ABCA8: variants seen among roughly 807,000 people sequenced by gnomAD.
ABCA8 encodes ABC-type organic anion transporter ABCA8.
Under a neutral mutation model 192.3 loss-of-function variants are expected in ABCA8, and 177 were observed. The observed-to-expected ratio is 0.92, with a 90% confidence interval of 0.81 to 1.04. The LOEUF (loss-of-function observed/expected upper bound fraction) is 1.04. Among genes scored for constraint, ABCA8 ranks in the 50% least tolerant of loss-of-function variants. ABCA8 has a pLI of 0.00. For missense variants in ABCA8, 1,915 were observed against 1,904.8 expected (o/e 1.01, Z -0.10); for synonymous variants, 642 against 690.2 (o/e 0.93, Z 1.09).
intron 19 of ABCA8, among the ~76,000 whole-genome samples, 165 bp downstream of exon 19, chr17:68,905,879 A>AT (rs2067052310): frequency 6.6e-6 from 1 of 152,296 alleles, no homozygotes; most frequent in East Asian, 1.9e-4. Context: ...AAAATGGATT[A>AT]TTTTTAACTA....
chr17:68,869,621 T>C (rs1020390774), intron 38 of ABCA8, 79 bp downstream of exon 38: 6 of 1,049,282 alleles, frequency 5.7e-6, no homozygotes, highest in Non-Finnish European at 7.2e-6. Flanking sequence ...TCACATTTCA[T>C]TTTTGTCATA....
intron 37 of ABCA8, among the ~76,000 whole-genome samples, chr17:68,873,814 C>T (rs910237727): frequency 6.6e-6 from 1 of 152,162 alleles, no homozygotes. Flanking sequence ...CTATCCCTTC[C>T]CCATCATGTA....
intron 19 of ABCA8, among the ~76,000 whole-genome samples, chr17:68,904,904 C>G (rs1471101001): frequency 6.6e-6 from 1 of 152,176 alleles, no homozygotes; most frequent in Admixed American, 6.5e-5. Flanking sequence ...AATAAATAAA[C>G]AAAAAGTGAT....
At chr17:68,939,299 C>T (rs963491894) in intron 4 of ABCA8, among the ~76,000 whole-genome samples, 2 of 152,100 alleles carry the variant, frequency 1.3e-5, no homozygotes, top group Non-Finnish European at 2.9e-5. Flanking sequence ...ACATCCAGTT[C>T]TTCTAATAAA....
chr17:68,896,188 C>T (rs1386090601), intron 21 of ABCA8, among the ~76,000 whole-genome samples: 1 of 152,166 alleles, frequency 6.6e-6, no homozygotes, highest in African/African-American at 2.4e-5. Flanking sequence ...CAAAAACCAT[C>T]AAGATTTTGT....
chr17:68,952,301 C>A (rs576224651), intron 1 of ABCA8, among the ~76,000 whole-genome samples: 2 of 152,098 alleles, frequency 1.3e-5, no homozygotes, highest in Non-Finnish European at 2.9e-5. Flanking sequence ...TCACTGCAAG[C>A]TCCGCCTCCT....
intron 1 of ABCA8, among the ~76,000 whole-genome samples, chr17:68,954,965 C>T (rs185631904): frequency 2.0e-5 from 3 of 152,280 alleles, no homozygotes; most frequent in Non-Finnish European, 4.4e-5. Context: ...TTTAAAACAA[C>T]ATAATGTTTG....
chr17:68,920,405 A>C (rs1449750106), intron 13 of ABCA8, among the ~76,000 whole-genome samples: 1 of 151,992 alleles, frequency 6.6e-6, no homozygotes, highest in Non-Finnish European at 1.5e-5. Flanking sequence ...CTAAAATAAA[A>C]ATTTTAAAAA....
intron 2 of ABCA8, among the ~76,000 whole-genome samples, chr17:68,943,859 T>G (rs1239004536): frequency 6.6e-6 from 1 of 152,062 alleles, no homozygotes; most frequent in Non-Finnish European, 1.5e-5. Context: ...CTTCACCTAG[T>G]ATTCATTAAA....
At chr17:68,947,323 A>C (rs1327524075) in intron 2 of ABCA8, among the ~76,000 whole-genome samples, 1 of 152,226 alleles carries the variant, frequency 6.6e-6, no homozygotes, top group Non-Finnish European at 1.5e-5. Context: ...AATTTGTCAT[A>C]AGGTATTTTT....
At chr17:68,877,368 T>A (rs1432675556) in intron 33 of ABCA8, 151 bp downstream of exon 33, 1 of 641,204 alleles carries the variant, frequency 1.6e-6, no homozygotes. Flanking sequence ...TACTTTGATA[T>A]CCAGGAAAGG....
chr17:68,921,799 A>G (rs892804511), intron 12 of ABCA8, among the ~76,000 whole-genome samples: 1 of 152,186 alleles, frequency 6.6e-6, no homozygotes, highest in Non-Finnish European at 1.5e-5. Context: ...GTTAGTATTT[A>G]TTAAATGGAA....
chr17:68,897,284 A>G (rs2066790424), intron 21 of ABCA8, among the ~76,000 whole-genome samples: 1 of 152,206 alleles, frequency 6.6e-6, no homozygotes, highest in Non-Finnish European at 1.5e-5. Flanking sequence ...AATAATGCAC[A>G]TGGCCAAAGT....
chr17:68,912,234 A>G (rs554144728), intron 17 of ABCA8, among the ~76,000 whole-genome samples: 1 of 152,312 alleles, frequency 6.6e-6, no homozygotes, highest in Non-Finnish European at 1.5e-5. Context: ...GAAGGGACTC[A>G]GAATCTTATC....
chr17:68,932,484 G>T lies in ABCA8; in HGVS notation c.601C>A (p.Leu201Met). ...ATATTTTTTCCAGTAACTGACATCA[G>T]CTCCTCCATCACTGAGTGATTTGTT... ...ITTNHSVMEE[L>M]MSVTGKNMKM... Residue 201 changes from leucine to methionine, a missense_variant, in exon 7 of 40, where the codon CTG becomes ATG. Physicochemically the swap from Leu to Met is conservative, Grantham distance 15. Coordinates refer to ENST00000586539, the MANE Select transcript of ABCA8 (RefSeq NM_001288985.2). 6.2e-7 allele frequency: 1 copy of T among 1,613,690 alleles called. No individual in the cohort carries two copies. Among genetic ancestry groups the T allele is most frequent in the Non-Finnish European group, 8.5e-7 (1 of 1,179,628 alleles).
In ABCA8 at chr17:68,911,378, G is replaced by A. The variant is rs538636915; in HGVS notation, c.2139-3499C>T. On this transcript the variant is annotated intron_variant, in intron 17 of 39. Transcript: ENST00000586539. This position sits in a 1 kb window ranked among gnomAD's most constrained non-coding sequence, Gnocchi z 5.7. Reference sequence around the variant, plus strand: ...CCTTGAGGAGAGGGAAGAGTGGGAAGACTTTGTCTTCTGGTTTGGGTGTCA... The same window carrying A: ...CCTTGAGGAGAGGGAAGAGTGGGAAAACTTTGTCTTCTGGTTTGGGTGTCA... Among the ~76,000 whole-genome samples the A allele has an allele frequency of 4.9e-4, 74 of 150,438 alleles. No individual in the cohort carries two copies. Among genetic ancestry groups the A allele is most frequent in the Non-Finnish European group, 8.8e-4 (60 of 67,926 alleles).
Position 68,881,858 on chromosome 17 carries a change from C to G in ABCA8, c.3946+5G>C, listed in dbSNP as rs776788091. ...AGCCAGAAGTGGAAGATCCCTATGG[C>G]CAACCTTTTCTAACACAGAAGGAGA... On this transcript the variant is annotated splice_donor_5th_base_variant and intron_variant, in intron 31 of 39. Coordinates refer to ENST00000586539, the MANE Select transcript of ABCA8 (RefSeq NM_001288985.2). 1.9e-6 allele frequency: 3 copies of G among 1,611,300 alleles called. No homozygotes were observed. The African/African-American group carries it at 4.0e-5, about 22-fold the overall frequency.
At chr17:68,938,470 G>A (rs1272485047) in intron 4 of ABCA8, among the ~76,000 whole-genome samples, 2 of 152,158 alleles carry the variant, frequency 1.3e-5, no homozygotes, top group Non-Finnish European at 2.9e-5. Flanking sequence ...CAGTGACTTG[G>A]TGGAGCAAGA....
intron 1 of ABCA8, among the ~76,000 whole-genome samples, chr17:68,952,117 A>T (rs1387450608): frequency 6.6e-6 from 1 of 152,204 alleles, no homozygotes; most frequent in East Asian, 1.9e-4. Flanking sequence ...TATTTTATGA[A>T]AACTCAAAAG....
Sources: allele counts gnomAD v4.1 joint callset (sites outside exome capture counted in the v4.1 genomes callset), GRCh38; gene constraint gnomAD v4.1.1; non-coding constraint Gnocchi (gnomAD v3.1); transcripts MANE v1.5; gene names NCBI Gene and HGNC (gene_info 2026-07-23, HGNC 2026-07-21).